Variants in MID1 observed in about 807,000 individuals in gnomAD.
MID1 encodes midline 1.
A neutral mutation model predicts 40.4 loss-of-function variants in MID1; 7 were observed. That is an observed-to-expected ratio of 0.17 (90% CI 0.10 to 0.33). The LOEUF is 0.33. Among genes scored for constraint, MID1 ranks in the 10% least tolerant of loss-of-function variants. The pLI, the probability that MID1 is intolerant of heterozygous loss-of-function variation, is 1.00. For synonymous variants in MID1, 229 were observed against 221.2 expected, an observed-to-expected ratio of 1.04 and a Z score of -0.31; for missense variants, 367 against 558.5, an observed-to-expected ratio of 0.66 and a Z score of 3.46.
At chrX:10,569,236 G>A (rs7050140) in intron 1 of MID1, among the ~76,000 whole-genome samples, 2,871 of 111,773 alleles carry the variant, frequency 0.026, 93 homozygotes, top group African/African-American at 0.088. Context: ...AGTATGTCCC[G>A]AGCCTGTTAA....
intron 1 of MID1, among the ~76,000 whole-genome samples, chrX:10,606,607 C>T (rs770033125): frequency 9.0e-6 from 1 of 111,657 alleles, no homozygotes; most frequent in East Asian, 2.8e-4. Context: ...TATTTTATTA[C>T]CTATTAAATT....
chrX:10,658,718 G>A (rs997196620), intron 1 of MID1, among the ~76,000 whole-genome samples: 13 of 110,825 alleles, frequency 1.2e-4, no homozygotes, highest in African/African-American at 3.9e-4. Context: ...GCAACCAAGA[G>A]ACATGAGAGG....
At chrX:10,670,944 G>T (rs1348175964) in intron 1 of MID1, among the ~76,000 whole-genome samples, 2 of 111,837 alleles carry the variant, frequency 1.8e-5, no homozygotes, top group African/African-American at 6.5e-5. Flanking sequence ...TATTTTTTAT[G>T]ATTGCAATAT....
At chrX:10,790,172 C>CT (rs113757800) in intron 1 of MID1, among the ~76,000 whole-genome samples, 5,173 of 109,500 alleles carry the variant, frequency 0.047, 284 homozygotes, top group African/African-American at 0.16. Flanking sequence ...GCTCTGCTTT[C>CT]TTTTTTTTTC....
chrX:10,668,327 T>G (rs2042963245), intron 1 of MID1, among the ~76,000 whole-genome samples: 1 of 112,223 alleles, frequency 8.9e-6, no homozygotes, highest in African/African-American at 3.2e-5. Flanking sequence ...TTTGCCCACA[T>G]TTGGATAAAC....
intron 1 of MID1, among the ~76,000 whole-genome samples, chrX:10,651,785 C>A (rs1339196458): frequency 5.4e-5 from 6 of 111,670 alleles, no homozygotes; most frequent in African/African-American, 2.0e-4. Context: ...GCCACCACAT[C>A]CAGCTAATTA....
intron 3 of MID1, among the ~76,000 whole-genome samples, chrX:10,519,779 T>C: frequency 8.9e-6 from 1 of 111,881 alleles, no homozygotes; most frequent in Non-Finnish European, 1.9e-5. Context: ...CTAATTTCTG[T>C]CTCCCTGGAT....
intron 1 of MID1, among the ~76,000 whole-genome samples, chrX:10,817,594 CTCTT>C (rs1211776348): frequency 2.8e-5 from 2 of 71,137 alleles, no homozygotes; most frequent in African/African-American, 1.1e-4. Flanking sequence ...CTTTCTCTCT[CTCTT>C]TCTTTTCTTT....
intron 1 of MID1, among the ~76,000 whole-genome samples, chrX:10,776,419 G>T (rs935337055): frequency 1.5e-4 from 17 of 111,921 alleles, no homozygotes; most frequent in Non-Finnish European, 3.2e-4. Context: ...TTTGAATTAA[G>T]TTCTTGCAAC....
intron 4 of MID1, among the ~76,000 whole-genome samples, chrX:10,494,896 T>C (rs1408921836): frequency 1.8e-5 from 2 of 109,416 alleles, no homozygotes; most frequent in African/African-American, 6.6e-5. Flanking sequence ...AATTTTAAAA[T>C]AGAATAAACT....
chrX:10,566,494 T>C (rs1211297063), intron 2 of MID1, among the ~76,000 whole-genome samples: 2 of 98,128 alleles, frequency 2.0e-5, no homozygotes, highest in African/African-American at 7.4e-5. Context: ...ATTTTATCTG[T>C]CATTCTCTCT....
In MID1 at chrX:10,688,149, C is replaced by T. The variant is rs767171936; in HGVS notation, c.-186-67730G>A. 3.3e-4 allele frequency among the ~76,000 whole-genome samples: 37 copies of T among 111,901 alleles called. No individual in the cohort carries two copies. In the South Asian group the frequency reaches 0.01, roughly 31 times the overall value. ...AGCTGGGATTACAAAGTGTGAGGCA[C>T]GTGCTGGCTAAACATTTTTTTAAAA... On this transcript the variant is annotated intron_variant, in intron 1 of 10. Transcript: ENST00000380785.
intron 1 of MID1, among the ~76,000 whole-genome samples, chrX:10,656,598 C>G (rs980461800): frequency 1.3e-4 from 14 of 111,610 alleles, no homozygotes; most frequent in African/African-American, 4.2e-4. Flanking sequence ...AGATCTGAAC[C>G]CTTTCTGGCC....
rs191441319 is a variant in MID1 at position 10,602,977 on chromosome X, T to C, written c.-57+17313A>G. Among the ~76,000 whole-genome samples the C allele has an allele frequency of 2.5e-3, 282 of 112,691 alleles. 2 individuals carry two copies. Among genetic ancestry groups the C allele is most frequent in the African/African-American group, 8.8e-3 (274 of 31,040 alleles). ...TTGTTTTGCCAACCTGTAAACAGCATATTGCCAACACACTGTGCCTGCCTA... is the reference window on the plus strand; with the variant it reads ...TTGTTTTGCCAACCTGTAAACAGCACATTGCCAACACACTGTGCCTGCCTA... On this transcript the variant is annotated intron_variant, in intron 1 of 9. Coordinates refer to ENST00000317552, the MANE Select transcript of MID1 (RefSeq NM_000381.4).
intron 1 of MID1, among the ~76,000 whole-genome samples, chrX:10,699,041 A>G (rs1569149640): frequency 1.8e-5 from 2 of 112,153 alleles, no homozygotes; most frequent in African/African-American, 6.5e-5. Context: ...TCCCTTTGCT[A>G]AAATGGTATA....
At chrX:10,804,324 T>C (rs745666634) in intron 1 of MID1, among the ~76,000 whole-genome samples, 2 of 112,247 alleles carry the variant, frequency 1.8e-5, no homozygotes, top group South Asian at 7.4e-4. Context: ...TTTCTTGCCT[T>C]TTAGAATGCC....
At chrX:10,730,733 G>GTAGT (rs2043441939) in intron 1 of MID1, among the ~76,000 whole-genome samples, 1 of 108,962 alleles carries the variant, frequency 9.2e-6, no homozygotes. Flanking sequence ...CACCACGCCC[G>GTAGT]GCTAATTTTT....
chrX:10,820,435 T>C (rs933240390), intron 1 of MID1, among the ~76,000 whole-genome samples: 2 of 112,024 alleles, frequency 1.8e-5, no homozygotes, highest in South Asian at 3.7e-4. Context: ...GGAACTTTTG[T>C]TATAATGTCA....
intron 1 of MID1, among the ~76,000 whole-genome samples, chrX:10,764,576 C>T (rs1451327580): frequency 9.0e-6 from 1 of 111,517 alleles, no homozygotes; most frequent in African/African-American, 3.3e-5. Context: ...TTTTTTAAAG[C>T]TCTGTGTATG....
Sources: gnomAD v4.1 joint callset for allele counts (sites outside exome capture counted in the v4.1 genomes callset) on GRCh38, gnomAD v4.1.1 for gene constraint, MANE v1.5 for transcripts, NCBI Gene and HGNC (gene_info 2026-07-23, HGNC 2026-07-21) for gene names.